The following CSMD1 variants were observed in gnomAD, a reference collection of about 807,000 sequenced individuals.
CSMD1 encodes CUB and Sushi multiple domains 1, also known as CUB and sushi domain-containing protein 1.
A neutral mutation model predicts 417.5 loss-of-function variants in CSMD1; 213 were observed. The observed-to-expected ratio is 0.51, with a 90% CI of 0.46 to 0.57. The LOEUF is 0.57. Ranked by LOEUF, CSMD1 falls within the 20% of genes least tolerant of loss-of-function variation. The pLI, the probability that CSMD1 is intolerant of heterozygous loss-of-function variation, is 0.00. For missense variants in CSMD1, 6,923 were observed against 4,529.7 expected, an observed-to-expected ratio of 1.53 and a Z score of -15.17; for synonymous variants, 2,862 against 1,736.8, an observed-to-expected ratio of 1.65 and a Z score of -16.11.
At chr8:4,741,181 G>C (rs1332049114) in intron 1 of CSMD1, among the ~76,000 whole-genome samples, 4 of 152,116 alleles carry the variant, frequency 2.6e-5, no homozygotes, top group African/African-American at 4.8e-5. Context: ...TTATGTAAGT[G>C]TCAGAGGCAT....
chr8:3,438,868 C>T (rs529297053), intron 12 of CSMD1, among the ~76,000 whole-genome samples: 2 of 151,840 alleles, frequency 1.3e-5, no homozygotes, highest in South Asian at 4.2e-4. Flanking sequence ...GTAATCCCAG[C>T]ACTTTGGGAG....
At chr8:4,201,878 T>C (rs1355650292) in intron 3 of CSMD1, among the ~76,000 whole-genome samples, 1 of 30,822 alleles carries the variant, frequency 3.2e-5, no homozygotes, top group Non-Finnish European at 8.2e-5. Flanking sequence ...CCATTATACA[T>C]GGAAATTTTG....
At chr8:4,431,409 T>C (rs578220024) in intron 2 of CSMD1, among the ~76,000 whole-genome samples, 4 of 151,902 alleles carry the variant, frequency 2.6e-5, no homozygotes, top group Non-Finnish European at 4.4e-5. Flanking sequence ...CAAACTTAGA[T>C]TGAAGGAGGA....
At chr8:3,800,813 C>T (rs1800414060) in intron 5 of CSMD1, among the ~76,000 whole-genome samples, 1 of 152,054 alleles carries the variant, frequency 6.6e-6, no homozygotes, top group Non-Finnish European at 1.5e-5. Context: ...GCCCACTTCC[C>T]CTTTGACCTT....
At position 3,282,819 on chromosome 8, in the gene CSMD1, C is replaced by T. The variant is rs78097863; in HGVS notation, c.4153+1325G>A. ...GCAACCTTTTAAAGCATTAAACTGA[C>T]CTAACTCAATTTTCTTATGTAAATC... On this transcript the variant is annotated intron_variant, in intron 26 of 69. Transcript: ENST00000635120. 6.6e-3 allele frequency among the ~76,000 whole-genome samples: 1,005 copies of T among 152,220 alleles called. 13 individuals carry two copies. Among genetic ancestry groups the T allele is most frequent in the African/African-American group, 0.023 (946 of 41,532 alleles).
At chr8:4,699,853 A>G (rs566728996) in intron 1 of CSMD1, among the ~76,000 whole-genome samples, 3 of 152,346 alleles carry the variant, frequency 2.0e-5, no homozygotes, top group Admixed American at 1.3e-4. Flanking sequence ...GATTGACAAT[A>G]CTGCGAGCAA....
At chr8:4,075,363 T>TA (rs1799767813) in intron 3 of CSMD1, among the ~76,000 whole-genome samples, 1 of 151,242 alleles carries the variant, frequency 6.6e-6, no homozygotes, top group Non-Finnish European at 1.5e-5. Context: ...AAGTGCTGAA[T>TA]TTTTTTTTGA....
chr8:3,308,275 G>C (rs775572602), intron 24 of CSMD1, 37 bp downstream of exon 24: 14 of 1,548,318 alleles, frequency 9.0e-6, no homozygotes, highest in Non-Finnish European at 1.2e-5. Flanking sequence ...CCTAAGGCCT[G>C]GCTTTTGCAC....
intron 26 of CSMD1, among the ~76,000 whole-genome samples, chr8:3,275,155 C>G (rs548591807): frequency 1.2e-4 from 19 of 152,246 alleles, no homozygotes; most frequent in African/African-American, 9.6e-5. Flanking sequence ...ATTTGCTTGT[C>G]TGTAAAGTAT....
intron 1 of CSMD1, among the ~76,000 whole-genome samples, chr8:4,925,699 A>C (rs1806818738): frequency 4.6e-5 from 7 of 151,868 alleles, no homozygotes; most frequent in Admixed American, 4.6e-4. Context: ...GGCGCCCGCC[A>C]CCACGCAGGG....
chr8:4,890,202 C>G (rs948502865), intron 1 of CSMD1, among the ~76,000 whole-genome samples: 1 of 152,108 alleles, frequency 6.6e-6, no homozygotes, highest in South Asian at 2.1e-4. Flanking sequence ...ATCTCATAAA[C>G]ACACTTGATC....
At chr8:3,099,237 CATAA>C (rs1432238198) in intron 46 of CSMD1, among the ~76,000 whole-genome samples, 1 of 152,126 alleles carries the variant, frequency 6.6e-6, no homozygotes, top group Non-Finnish European at 1.5e-5. Context: ...TCGTGGGAAG[CATAA>C]ATAAACTTTA....
intron 3 of CSMD1, among the ~76,000 whole-genome samples, chr8:4,232,520 C>T (rs999564934): frequency 1.3e-5 from 2 of 152,160 alleles, no homozygotes; most frequent in Non-Finnish European, 2.9e-5. Flanking sequence ...TTAAATTACA[C>T]ACTACCTATG....
intron 3 of CSMD1, among the ~76,000 whole-genome samples, chr8:4,232,181 T>G (rs1409575421): frequency 6.6e-6 from 1 of 152,158 alleles, no homozygotes; most frequent in Non-Finnish European, 1.5e-5. Context: ...TGAGAAACAC[T>G]TGTCCTTTAT....
At chr8:4,090,431 T>G (rs1263102989) in intron 3 of CSMD1, among the ~76,000 whole-genome samples, 3 of 152,216 alleles carry the variant, frequency 2.0e-5, no homozygotes, top group Non-Finnish European at 2.9e-5. Flanking sequence ...ATTGGACGTG[T>G]TTAATTTTTT....
intron 56 of CSMD1, 140 bp from the exon 57 acceptor site, chr8:2,973,439 G>C (rs1434427864): frequency 5.9e-5 from 49 of 830,448 alleles, no homozygotes; most frequent in Non-Finnish European, 8.4e-5. Flanking sequence ...CTGCAATCTT[G>C]TAAGAAAGAA....
chr8:3,179,573 T>C (rs1821182777), intron 37 of CSMD1, among the ~76,000 whole-genome samples: 1 of 152,186 alleles, frequency 6.6e-6, no homozygotes, highest in Admixed American at 6.5e-5. Context: ...TATCTCACTG[T>C]ATATAATAAT....
chr8:4,153,960 C>T (rs1647371), intron 3 of CSMD1, among the ~76,000 whole-genome samples: 148,950 of 152,322 alleles, frequency 0.98, 72,924 homozygotes, highest in East Asian at 1. Flanking sequence ...TTCTGCATTA[C>T]TGACAGCAAA....
chr8:4,561,617 G>C (rs191492308), intron 2 of CSMD1, among the ~76,000 whole-genome samples: 5 of 152,274 alleles, frequency 3.3e-5, no homozygotes, highest in Non-Finnish European at 7.3e-5. Flanking sequence ...AGGAGATTGA[G>C]GCCGCAGTGA....
Sources: allele counts gnomAD v4.1 joint callset (sites outside exome capture counted in the v4.1 genomes callset), GRCh38; gene constraint gnomAD v4.1.1; transcripts MANE v1.5; gene names NCBI Gene and HGNC (gene_info 2026-07-23, HGNC 2026-07-21).